PBX4: variants seen among roughly 807,000 people sequenced by gnomAD.
The protein encoded by PBX4 is pre-B-cell leukemia transcription factor 4.
PBX4 carries 26 observed loss-of-function variants against 35.1 expected under a neutral mutation model. The ratio of observed to expected loss-of-function variants is 0.74; its 90% CI spans 0.54 to 1.03. The LOEUF (loss-of-function observed/expected upper bound fraction) is 1.03. Ranked by LOEUF, PBX4 falls within the 50% of genes least tolerant of loss-of-function variation. The pLI is 0.00. For synonymous variants in PBX4, 199 were observed against 204.2 expected (o/e 0.97, Z 0.22); for missense variants, 448 against 504.3 (o/e 0.89, Z 1.07).
At position 19,563,747 on chromosome 19, in the gene PBX4, G is replaced by T; in HGVS notation, c.926-132C>A. On this transcript the variant is annotated intron_variant, in intron 6 of 7. Coordinates refer to ENST00000251203, the MANE Select transcript of PBX4 (RefSeq NM_025245.3). This position sits in a 1 kb window ranked among gnomAD's most constrained non-coding sequence, Gnocchi z 5.1. Reference sequence around the variant, plus strand: ...CTCAGCATCCGGCCTCTGCTCCTCAGCCCCCACCCAGGCAGGCCAGCGGGC... The same window carrying T: ...CTCAGCATCCGGCCTCTGCTCCTCATCCCCCACCCAGGCAGGCCAGCGGGC... 2 of 761,960 alleles carry T rather than the reference G, an allele frequency of 2.6e-6. No individual in the cohort carries two copies. The highest frequency in any genetic ancestry group is 4.6e-6 in the Non-Finnish European group (2 of 438,434). 47.2% of individuals were successfully genotyped at this position (761,960 alleles called of 1,614,324 possible).
At chr19:19,566,060 T>C (rs1467011156) in intron 5 of PBX4, among the ~76,000 whole-genome samples, 1 of 151,942 alleles carries the variant, frequency 6.6e-6, no homozygotes, top group African/African-American at 2.4e-5. Context: ...CATATATCAT[T>C]CTGCCTCATC....
chr19:19,588,336 A>G, intron 2 of PBX4: 1 of 1,151,438 alleles, frequency 8.7e-7, no homozygotes, highest in South Asian at 1.2e-5. Flanking sequence ...CACATTTGCC[A>G]TCACATTTTT....
intron 1 of PBX4, among the ~76,000 whole-genome samples, chr19:19,615,875 G>A (rs187467964): frequency 1.6e-4 from 25 of 152,296 alleles, no homozygotes; most frequent in Admixed American, 1.2e-3. Flanking sequence ...GGGCAACAGA[G>A]TGAGAGTCCG....
chr19:19,607,400 A>G (rs930351794), intron 1 of PBX4, among the ~76,000 whole-genome samples: 1 of 152,120 alleles, frequency 6.6e-6, no homozygotes, highest in Non-Finnish European at 1.5e-5. Flanking sequence ...GAAAAATTCG[A>G]AAAAAAGGAA....
chr19:19,569,555 G>T lies in PBX4; in HGVS notation c.662C>A (p.Ala221Glu), dbSNP rs199673541. Residue 221 changes from alanine to glutamate, a missense_variant, in exon 5 of 8, where the codon GCG becomes GAG. Ala to Glu is a moderately radical substitution (Grantham distance 107). Coordinates refer to ENST00000251203, the MANE Select transcript of PBX4 (RefSeq NM_025245.3). ...AAAATACTCATTCAGCACTTCCGTC[G>T]CCTGCTTGCTGAAATTCCGCCGCTT... ...RRKRRNFSKQ[A>E]TEVLNEYFYS... 11 of 1,613,526 alleles carry T rather than the reference G, an allele frequency of 6.8e-6. No homozygotes were observed. The South Asian group carries it at 1.2e-4, about 18-fold the overall frequency.
At chr19:19,615,737 C>T (rs2061685552) in intron 1 of PBX4, among the ~76,000 whole-genome samples, 3 of 152,126 alleles carry the variant, frequency 2.0e-5, no homozygotes, top group Non-Finnish European at 1.5e-5. Context: ...ACTAAAAATA[C>T]AAAACTAGCC....
Position 19,609,840 on chromosome 19 carries a change from G to A in PBX4, c.119+8671C>T, listed in dbSNP as rs150656874. On this transcript the variant is annotated intron_variant, in intron 1 of 7. Coordinates refer to ENST00000251203, the MANE Select transcript of PBX4 (RefSeq NM_025245.3). ...CACTCCAGCCTGGGCGACACAGCGA[G>A]ACTCCGTCTCAAAAAAACTAAAGAA... Among the ~76,000 whole-genome samples, 1,158 of 152,144 alleles carry A rather than the reference G, an allele frequency of 7.6e-3. 6 individuals carry two copies. Among genetic ancestry groups the A allele is most frequent in the Non-Finnish European group, 0.011 (735 of 67,984 alleles).
intron 1 of PBX4, among the ~76,000 whole-genome samples, chr19:19,609,909 T>C (rs1480688958): frequency 2.0e-5 from 3 of 152,094 alleles, no homozygotes; most frequent in African/African-American, 7.2e-5. Context: ...TTCCTAGGGT[T>C]CTGGGGAGGG....
rs1239668154 is a variant in PBX4, at chr19:19,563,881, C to T, written c.926-266G>A. On this transcript the variant is annotated intron_variant, in intron 6 of 7. Coordinates refer to ENST00000251203, the MANE Select transcript of PBX4 (RefSeq NM_025245.3). This position sits in a 1 kb window ranked among gnomAD's most constrained non-coding sequence, Gnocchi z 5.1. ...TGAGTGCAGTGGCACGATCTTGGCT[C>T]ACTGCAAGCTCTGCCTCCCAGGTTC... 3.0e-6 allele frequency: 1 copy of T among 328,418 alleles called. No individual in the cohort carries two copies. Among genetic ancestry groups the T allele is most frequent in the East Asian group, 7.6e-5 (1 of 13,082 alleles). 20.3% of individuals were successfully genotyped at this position (328,418 alleles called of 1,614,324 possible). A position where few individuals can be genotyped will look rare whatever the true frequency, so the allele number is the denominator to read the frequency against.
In PBX4 at chr19:19,602,799, C is replaced by T. The variant is rs758002684; in HGVS notation, c.120-3434G>A. On this transcript the variant is annotated intron_variant, in intron 1 of 7. Transcript: ENST00000251203. ...GAGTGACTGCCCTTCCCAGGGCTAG[C>T]TTATTACTACAGACAGCAAACAACT... Among the ~76,000 whole-genome samples, 179 of 152,078 alleles carry T rather than the reference C, an allele frequency of 1.2e-3. 1 individual carries two copies. Among genetic ancestry groups the T allele is most frequent in the Admixed American group, 0.011 (175 of 15,242 alleles).
chr19:19,618,406 T>C, intron 1 of PBX4, 105 bp downstream of exon 1: 1 of 1,099,660 alleles, frequency 9.1e-7, no homozygotes, highest in Non-Finnish European at 1.2e-6. Flanking sequence ...CCTCCAGCCC[T>C]CCTCAAGCGC....
intron 1 of PBX4, among the ~76,000 whole-genome samples, chr19:19,615,510 G>A (rs2061684595): frequency 6.6e-6 from 1 of 152,150 alleles, no homozygotes; most frequent in Admixed American, 6.5e-5. Context: ...CTTGAGAGCA[G>A]GAAGAACTTG....
At chr19:19,589,679 A>T (rs2061514218) in intron 2 of PBX4, among the ~76,000 whole-genome samples, 1 of 151,496 alleles carries the variant, frequency 6.6e-6, no homozygotes. Context: ...CTGAGGCAGG[A>T]GACCCGCTTG....
At chr19:19,592,017 T>C (rs1400409376) in intron 2 of PBX4, among the ~76,000 whole-genome samples, 1 of 152,072 alleles carries the variant, frequency 6.6e-6, no homozygotes, top group Non-Finnish European at 1.5e-5. Flanking sequence ...CCCGCCACCA[T>C]GCCCAGCTAG....
intron 2 of PBX4, among the ~76,000 whole-genome samples, chr19:19,578,809 C>T (rs942440878): frequency 9.9e-5 from 15 of 152,234 alleles, no homozygotes; most frequent in East Asian, 1.9e-4. Flanking sequence ...TTGGAGGTGA[C>T]GCTTTTAGGA....
chr19:19,596,472 G>A (rs575326927), intron 2 of PBX4, among the ~76,000 whole-genome samples: 11 of 151,962 alleles, frequency 7.2e-5, no homozygotes, highest in South Asian at 6.2e-4. Context: ...GTGTGCGCAC[G>A]TGTGTGTGTG....
At chr19:19,572,026 G>A (rs796764349) in intron 2 of PBX4, among the ~76,000 whole-genome samples, 7 of 69,016 alleles carry the variant, frequency 1.0e-4, no homozygotes, top group South Asian at 1.4e-3. Flanking sequence ...GAGAGACCCC[G>A]TCTCAAAAAA....
chr19:19,606,981 ACT>A (rs1387849023), intron 1 of PBX4, among the ~76,000 whole-genome samples: 4 of 152,090 alleles, frequency 2.6e-5, no homozygotes, highest in African/African-American at 9.7e-5. Flanking sequence ...ACACAGCAAG[ACT>A]CTGTCTCAAA....
rs2061701391 is a variant in PBX4 at position 19,618,660 on chromosome 19, G to A, written c.-31C>T. On this transcript the variant is annotated 5_prime_UTR_variant, in exon 1 of 8. Transcript: ENST00000251203. ...GCAGGGCCGGGCGGGCGCTGTGAGGGTGCCGTCGAGCCTGGAGCACTACCA... is the reference window on the plus strand; with the variant it reads ...GCAGGGCCGGGCGGGCGCTGTGAGGATGCCGTCGAGCCTGGAGCACTACCA... The A allele has an allele frequency of 3.3e-6, 4 of 1,196,994 alleles. No homozygotes were observed. Among genetic ancestry groups the A allele is most frequent in the Non-Finnish European group, 4.1e-6 (4 of 965,690 alleles). The allele number at this position is 1,196,994 out of a possible 1,614,324, so 74.1% of individuals were successfully genotyped here.
Sources: gnomAD v4.1 joint callset for allele counts (sites outside exome capture counted in the v4.1 genomes callset) on GRCh38, gnomAD v4.1.1 for gene constraint, Gnocchi (gnomAD v3.1) non-coding constraint, MANE v1.5 for transcripts, NCBI Gene and HGNC (gene_info 2026-07-23, HGNC 2026-07-21) for gene names.